Variants in PDZD2 observed in about 807,000 individuals in gnomAD.
PDZD2 encodes PDZ domain-containing protein 2.
A neutral mutation model predicts 220.7 loss-of-function variants in PDZD2; 90 were observed. The observed-to-expected ratio is 0.41, with a 90% CI of 0.34 to 0.49. PDZD2 has a LOEUF of 0.49. Among genes scored for constraint, PDZD2 ranks in the 20% least tolerant of loss-of-function variants. PDZD2 has a pLI of 0.28. For missense variants in PDZD2, 3,174 were observed against 3,608.5 expected, an observed-to-expected ratio of 0.88 and a Z score of 3.08; for synonymous variants, 1,375 against 1,450.5, an observed-to-expected ratio of 0.95 and a Z score of 1.18.
rs3101873 is a variant in PDZD2, at chr5:32,088,394, C to T, written c.4946C>T (p.Ala1649Val). 0.035 allele frequency: 56,404 copies of T among 1,613,934 alleles called. 1,151 individuals carry two copies. The highest frequency in any genetic ancestry group is 0.042 in the Non-Finnish European group (49,864 of 1,179,918). The change falls in exon 20 of 25, where the codon GCC becomes GTC. Residue 1649 changes from alanine (A) to valine (V), a missense_variant. Ala to Val is a moderately conservative substitution (Grantham distance 64, BLOSUM62 0). Around this residue, in one of 4 missense-constraint regions of PDZD2, gnomAD observed 1,861 missense variants for 2,001.0 expected, o/e 0.93. Transcript: ENST00000438447. The surrounding 1 kb of genome is among the most constrained non-coding windows in gnomAD (Gnocchi z 4.6). ...RESVASPREKAACLPGSYTSG... is the reference protein window; with the variant it reads ...RESVASPREKVACLPGSYTSG... ...TCGGTGGCCAGTCCCCGTGAGAAGG[C>T]CGCCTGCTTGCCAGGCTCATACACT...
At chr5:31,824,149 A>C (rs1318114591) in intron 2 of PDZD2, among the ~76,000 whole-genome samples, 1 of 152,220 alleles carries the variant, frequency 6.6e-6, no homozygotes, top group Non-Finnish European at 1.5e-5. Context: ...TTTAACTTAA[A>C]TAATCAGTAT....
In PDZD2 at chr5:31,799,609, G is replaced by C. The variant is rs1162288716; in HGVS notation, c.361G>C (p.Val121Leu). 6.2e-7 allele frequency: 1 copy of C among 1,614,160 alleles called. No homozygotes were observed. Among genetic ancestry groups the C allele is most frequent in the Non-Finnish European group, 8.5e-7 (1 of 1,179,986 alleles). ...GPVLDVGCIW[V>L]TELRKNSPAG... ...TGTGCTGGATGTGGGCTGCATCTGG[G>C]TGACAGAGCTGAGGAAGAACAGCCC... The change falls in exon 2 of 25, where the codon GTG (valine) becomes CTG (leucine). Residue 121 changes from valine to leucine, a missense_variant. Val to Leu is a conservative substitution (Grantham distance 32). Transcript: ENST00000438447.
intron 1 of PDZD2, among the ~76,000 whole-genome samples, chr5:31,699,094 A>G (rs1282285016): frequency 6.6e-6 from 1 of 152,136 alleles, no homozygotes; most frequent in Non-Finnish European, 1.5e-5. Context: ...CTGAGCTGCC[A>G]TTAGGGATAG....
chr5:31,727,943 C>G (rs1035785505), intron 1 of PDZD2, among the ~76,000 whole-genome samples: 1 of 142,972 alleles, frequency 7.0e-6, no homozygotes, highest in African/African-American at 2.6e-5. Flanking sequence ...GCAGAGCTTG[C>G]AGTGAGCCAA....
intron 1 of PDZD2, among the ~76,000 whole-genome samples, chr5:31,791,816 C>T (rs1289647716): frequency 2.0e-5 from 3 of 152,290 alleles, no homozygotes; most frequent in Admixed American, 6.5e-5. Context: ...CTGACCCCTC[C>T]TGCTCATCCA....
chr5:31,855,321 G>T (rs2150304218), intron 2 of PDZD2, among the ~76,000 whole-genome samples: 1 of 152,378 alleles, frequency 6.6e-6, no homozygotes, highest in Non-Finnish European at 1.5e-5. Flanking sequence ...TCGTCTCCCG[G>T]ATCACTGGGG....
At position 32,109,043 on chromosome 5, in the gene PDZD2, CAG is replaced by C. The variant is rs1561629351; in HGVS notation, c.*909_*910del. ...AAGAGCAGACAAAAATATCACAAGT[CAG>C]TCAGTCACTGGGTTTCCATTTCTGA... On this transcript the variant is annotated 3_prime_UTR_variant, in exon 25 of 25. Coordinates refer to ENST00000438447, the MANE Select transcript of PDZD2 (RefSeq NM_178140.4). 3 of 29,080 alleles carry C rather than the reference CAG, an allele frequency of 1.0e-4. No individual in the cohort carries two copies. Among genetic ancestry groups the C allele is most frequent in the Non-Finnish European group, 3.6e-4 (3 of 8,404 alleles). The allele number at this position is 29,080 out of a possible 1,614,324, so 1.8% of individuals were successfully genotyped here.
chr5:31,644,275 A>G (rs1362128172), intron 1 of PDZD2, among the ~76,000 whole-genome samples: 1 of 152,190 alleles, frequency 6.6e-6, no homozygotes, highest in Non-Finnish European at 1.5e-5. Context: ...AAATTTGACA[A>G]TCTTGATCTC....
intron 2 of PDZD2, among the ~76,000 whole-genome samples, chr5:31,979,597 A>G (rs1750113924): frequency 7.6e-6 from 1 of 131,268 alleles, no homozygotes; most frequent in Admixed American, 7.6e-5. Flanking sequence ...AAAAAAAAAA[A>G]TCATTTTTTC....
chr5:31,891,019 A>G (rs1420080546), intron 2 of PDZD2, among the ~76,000 whole-genome samples: 2 of 152,094 alleles, frequency 1.3e-5, no homozygotes, highest in South Asian at 4.1e-4. Flanking sequence ...CGTATCAACC[A>G]GAACCCTGAG....
chr5:32,031,300 A>G (rs1755096441), intron 6 of PDZD2, among the ~76,000 whole-genome samples: 1 of 152,002 alleles, frequency 6.6e-6, no homozygotes, highest in African/African-American at 2.4e-5. Flanking sequence ...GTTGTCTAAG[A>G]TCTCTTTTAA....
chr5:31,667,235 CAAAAAA>C (rs3031718), intron 1 of PDZD2, among the ~76,000 whole-genome samples: 3 of 52,854 alleles, frequency 5.7e-5, no homozygotes, highest in South Asian at 2.2e-3. Context: ...GACTCCGTCT[CAAAAAA>C]AAAAAAAAAA....
chr5:31,880,281 A>C (rs1156280322), intron 2 of PDZD2, among the ~76,000 whole-genome samples: 9 of 152,198 alleles, frequency 5.9e-5, no homozygotes, highest in African/African-American at 2.2e-4. Flanking sequence ...GCTTTATATG[A>C]AACTCCATTA....
chr5:32,097,264 GTT>G lies in PDZD2; in HGVS notation c.7846-13_7846-12del, dbSNP rs766513049. 6 of 1,540,012 alleles carry G rather than the reference GTT, an allele frequency of 3.9e-6. No individual in the cohort carries two copies. The South Asian group carries it at 6.7e-5, about 17-fold the overall frequency. On this transcript the variant is annotated splice_polypyrimidine_tract_variant and intron_variant, in intron 21 of 24. Coordinates refer to ENST00000438447, the MANE Select transcript of PDZD2 (RefSeq NM_178140.4). ...AGCTGTAGCTCAAAGGATAATTTTT[GTT>G]TGTTTTCACTAGAATGAAGAAGATG...
chr5:32,054,636 T>C (rs1738928439), intron 10 of PDZD2, among the ~76,000 whole-genome samples: 1 of 152,144 alleles, frequency 6.6e-6, no homozygotes, highest in Non-Finnish European at 1.5e-5. Context: ...TAAATGAACA[T>C]CTTTTAATTC....
At chr5:31,723,480 CA>C (rs984692719) in intron 1 of PDZD2, among the ~76,000 whole-genome samples, 1 of 152,078 alleles carries the variant, frequency 6.6e-6, no homozygotes, top group Non-Finnish European at 1.5e-5. Context: ...CACTGATAAC[CA>C]AAAACTCAAA....
chr5:31,668,862 G>C lies in PDZD2; in HGVS notation c.-361+29425G>C, dbSNP rs563606263. 3.3e-5 allele frequency among the ~76,000 whole-genome samples: 5 copies of C among 152,282 alleles called. No homozygotes were observed. In the South Asian group the frequency reaches 1.0e-3, roughly 32 times the overall value. On this transcript the variant is annotated intron_variant, in intron 1 of 24. Transcript: ENST00000438447. Reference sequence around the variant, plus strand: ...GGAGTTTCTTGGTGGTGTTGTTTTTGTTGTTTTAATAAAAATTAAAATAGA... The same window carrying C: ...GGAGTTTCTTGGTGGTGTTGTTTTTCTTGTTTTAATAAAAATTAAAATAGA...
chr5:31,867,375 G>A (rs1393824743), intron 2 of PDZD2, among the ~76,000 whole-genome samples: 1 of 152,136 alleles, frequency 6.6e-6, no homozygotes, highest in African/African-American at 2.4e-5. Context: ...GTGGGTATAT[G>A]AGGTGCTGGG....
At chr5:31,770,459 T>G (rs532342383) in intron 1 of PDZD2, among the ~76,000 whole-genome samples, 1 of 152,326 alleles carries the variant, frequency 6.6e-6, no homozygotes, top group East Asian at 1.9e-4. Flanking sequence ...GTTGCAGAAT[T>G]CATCCTGAGT....
Sources: allele counts gnomAD v4.1 joint callset (sites outside exome capture counted in the v4.1 genomes callset), GRCh38; gene constraint gnomAD v4.1.1; regional missense constraint gnomAD v4.1.1; non-coding constraint Gnocchi (gnomAD v3.1); transcripts MANE v1.5; gene names NCBI Gene and HGNC (gene_info 2026-07-23, HGNC 2026-07-21).